LRRC4C: variants seen among roughly 807,000 people sequenced by gnomAD.
The protein encoded by LRRC4C is leucine-rich repeat-containing protein 4C.
In LRRC4C, 5 loss-of-function variants were observed where a neutral mutation model predicts 33.6. The observed-to-expected ratio is 0.15, with a 90% CI of 0.08 to 0.31. The LOEUF (loss-of-function observed/expected upper bound fraction) is 0.31, where lower values mean the gene tolerates loss of function less well. Ranked by LOEUF, LRRC4C falls within the 10% of genes least tolerant of loss-of-function variation. The probability of loss-of-function intolerance (pLI) is 1.00; values close to 1 mark genes in which losing one functional copy is unlikely to be tolerated. For synonymous variants in LRRC4C, 329 were observed against 302.0 expected (o/e 1.09, Z -0.93); for missense variants, 560 against 796.7 (o/e 0.70, Z 3.58).
chr11:41,087,282 C>T (rs930455806), intron 1 of LRRC4C, among the ~76,000 whole-genome samples: 13 of 152,130 alleles, frequency 8.5e-5, no homozygotes, highest in African/African-American at 3.1e-4. Context: ...TGGGCTAGCT[C>T]AATCTCCAAA....
chr11:40,461,678 AT>A (rs1350975557), intron 3 of LRRC4C, among the ~76,000 whole-genome samples: 1 of 148,672 alleles, frequency 6.7e-6, no homozygotes, highest in Non-Finnish European at 1.5e-5. Flanking sequence ...AATTATATAT[AT>A]ATTATATAAT....
At chr11:40,142,252 C>T (rs1224906494) in intron 5 of LRRC4C, among the ~76,000 whole-genome samples, 2 of 111,844 alleles carry the variant, frequency 1.8e-5, no homozygotes, top group Admixed American at 1.4e-4. Context: ...GCACTCCAGT[C>T]GGGTGACACA....
chr11:40,800,260 TAAA>T (rs1950988457), intron 2 of LRRC4C, among the ~76,000 whole-genome samples: 2 of 152,206 alleles, frequency 1.3e-5, no homozygotes, highest in African/African-American at 4.8e-5. Context: ...TATAAACAAT[TAAA>T]AGAAGTCCTG....
intron 1 of LRRC4C, among the ~76,000 whole-genome samples, chr11:41,454,701 T>C (rs1464614552): frequency 6.6e-6 from 1 of 152,044 alleles, no homozygotes; most frequent in East Asian, 1.9e-4. Flanking sequence ...CAGAAAAGGG[T>C]CTGATGAAGC....
intron 1 of LRRC4C, among the ~76,000 whole-genome samples, chr11:40,936,475 T>A (rs995282534): frequency 2.6e-5 from 4 of 151,424 alleles, no homozygotes; most frequent in African/African-American, 9.7e-5. Flanking sequence ...GTACTGGGAC[T>A]ACAGGCGCCC....
In LRRC4C at chr11:40,837,676, CAAA is replaced by C. The variant is rs139136576; in HGVS notation, c.-407+95956_-407+95958del. On this transcript the variant is annotated intron_variant, in intron 2 of 6. Coordinates refer to ENST00000528697, the MANE Select transcript of LRRC4C (RefSeq NM_001258419.2). ...GAAACATATGGAGACCCTGTCTCTTCAAAAAAAAAAAAAAAAAAAAATTAATTA... is the reference window on the plus strand; with the variant it reads ...GAAACATATGGAGACCCTGTCTCTTCAAAAAAAAAAAAAAAAAATTAATTA... Among the ~76,000 whole-genome samples, 475 of 108,440 alleles carry C rather than the reference CAAA, an allele frequency of 4.4e-3. 2 individuals carry two copies. The highest frequency in any genetic ancestry group is 0.025 in the South Asian group (81 of 3,198). The allele number at this position is 108,440 out of a possible 152,430, so 71.1% of individuals were successfully genotyped here. A position where few individuals can be genotyped will look rare whatever the true frequency, so the allele number is the denominator to read the frequency against.
At chr11:40,615,316 C>A (rs1010373284) in intron 3 of LRRC4C, among the ~76,000 whole-genome samples, 4 of 146,612 alleles carry the variant, frequency 2.7e-5, no homozygotes, top group African/African-American at 1.0e-4. Flanking sequence ...TAGATCACTG[C>A]TTTTTCTTAT....
chr11:40,321,842 C>A (rs1945863172), intron 3 of LRRC4C, among the ~76,000 whole-genome samples: 1 of 152,128 alleles, frequency 6.6e-6, no homozygotes, highest in South Asian at 2.1e-4. Flanking sequence ...AATGATGTCT[C>A]CTCCTTCTTT....
At chr11:40,358,573 G>A (rs1050884951) in intron 3 of LRRC4C, among the ~76,000 whole-genome samples, 5 of 152,068 alleles carry the variant, frequency 3.3e-5, no homozygotes, top group Admixed American at 6.6e-5. Context: ...GAGTTACTGC[G>A]CCTGGTCCCC....
At chr11:40,641,230 A>T (rs893613562) in intron 3 of LRRC4C, among the ~76,000 whole-genome samples, 1 of 152,148 alleles carries the variant, frequency 6.6e-6, no homozygotes, top group Non-Finnish European at 1.5e-5. Context: ...TTAAGTTTAG[A>T]GTTCTAAGCC....
intron 1 of LRRC4C, among the ~76,000 whole-genome samples, chr11:41,213,223 A>AT (rs1398352330): frequency 1.5e-4 from 23 of 152,248 alleles, no homozygotes; most frequent in Non-Finnish European, 8.8e-5. Flanking sequence ...TAAACTAAAC[A>AT]GTATAAACAT....
chr11:40,549,442 A>G (rs1038253780), intron 3 of LRRC4C, among the ~76,000 whole-genome samples: 2 of 152,194 alleles, frequency 1.3e-5, no homozygotes, highest in Non-Finnish European at 2.9e-5. Flanking sequence ...TTCAGAAAGA[A>G]AGAGCGATGC....
chr11:40,403,759 T>C (rs1949854072), intron 3 of LRRC4C, among the ~76,000 whole-genome samples: 3 of 152,090 alleles, frequency 2.0e-5, no homozygotes, highest in Admixed American at 2.0e-4. Context: ...ATCCTAAATC[T>C]CAGAGAGAAA....
chr11:41,341,376 T>A (rs1951632633), intron 1 of LRRC4C, among the ~76,000 whole-genome samples: 1 of 152,224 alleles, frequency 6.6e-6, no homozygotes, highest in Non-Finnish European at 1.5e-5. Context: ...TGGGCGAGGT[T>A]CTGCCGGTTG....
intron 3 of LRRC4C, among the ~76,000 whole-genome samples, chr11:40,389,204 C>T (rs900909026): frequency 3.3e-5 from 5 of 152,044 alleles, no homozygotes; most frequent in Non-Finnish European, 5.9e-5. Context: ...TCCCAGCAGG[C>T]ACATTAAACT....
chr11:40,642,902 A>C (rs1942211575), intron 3 of LRRC4C, among the ~76,000 whole-genome samples: 1 of 152,208 alleles, frequency 6.6e-6, no homozygotes, highest in South Asian at 2.1e-4. Flanking sequence ...AATATCTACA[A>C]AAATGCTTCC....
chr11:40,365,337 A>G (rs1162771714), intron 3 of LRRC4C, among the ~76,000 whole-genome samples: 1 of 152,134 alleles, frequency 6.6e-6, no homozygotes, highest in African/African-American at 2.4e-5. Context: ...CACTAAAAAT[A>G]TGAAGTCAGG....
intron 2 of LRRC4C, among the ~76,000 whole-genome samples, chr11:40,694,826 A>G (rs1376183331): frequency 3.3e-5 from 5 of 152,162 alleles, no homozygotes; most frequent in African/African-American, 4.8e-5. Context: ...TAGGAATAAG[A>G]TGGGTGAAGT....
chr11:40,913,894 C>T (rs938599370), intron 2 of LRRC4C, among the ~76,000 whole-genome samples: 4 of 152,148 alleles, frequency 2.6e-5, no homozygotes, highest in Non-Finnish European at 4.4e-5. Context: ...GAAACACAAA[C>T]TACCATCGGA....
Sources: allele counts gnomAD v4.1 joint callset (sites outside exome capture counted in the v4.1 genomes callset), GRCh38; gene constraint gnomAD v4.1.1; transcripts MANE v1.5; gene names NCBI Gene and HGNC (gene_info 2026-07-23, HGNC 2026-07-21).